The following OTOA variants were observed in gnomAD, a reference collection of about 807,000 sequenced individuals.
OTOA encodes otoancorin.
Under a neutral mutation model 110.8 loss-of-function variants are expected in OTOA, and 70 were observed. That is an observed-to-expected ratio of 0.63 (90% CI 0.52 to 0.77). The LOEUF (loss-of-function observed/expected upper bound fraction) is 0.77, where lower values mean the gene tolerates loss of function less well. Ranked by LOEUF, OTOA falls within the 30% of genes least tolerant of loss-of-function variation. The pLI is 0.00. For synonymous variants in OTOA, 373 were observed against 431.5 expected (o/e 0.86, Z 1.68); for missense variants, 917 against 1,075.8 (o/e 0.85, Z 2.06).
chr16:21,705,398 G>T (rs533694735), intron 12 of OTOA, 106 bp downstream of exon 12: 5 of 1,570,698 alleles, frequency 3.2e-6, no homozygotes, highest in Admixed American at 1.7e-5. Flanking sequence ...CACAGCATTA[G>T]TCGGGATTTA....
intron 9 of OTOA, among the ~76,000 whole-genome samples, chr16:21,696,477 C>G (rs1483873520): frequency 6.6e-6 from 1 of 152,016 alleles, no homozygotes; most frequent in Non-Finnish European, 1.5e-5. Flanking sequence ...TGCTTTGGTT[C>G]AAGTATAGTA....
intron 11 of OTOA, 63 bp downstream of exon 11, chr16:21,701,090 C>G (rs932366328): frequency 1.9e-6 from 3 of 1,609,248 alleles, no homozygotes; most frequent in African/African-American, 2.7e-5. Context: ...CATCAGAATT[C>G]TCTGAGCAGC....
chr16:21,751,997 C>A lies in OTOA; in HGVS notation c.2838C>A (p.Ser946Arg). ...GATACAGTATCCAGGACCTGAAGAG[C>A]TTTCATTTGGTAGGACTTGGTGCAA... ...DSGYSIQDLK[S>R]FHLVGLGATL... is the part of the protein sequence containing the mutation. The change falls in exon 25 of 29, where the codon AGC becomes AGA. Residue 946 changes from serine to arginine, a missense_variant. Physicochemically the swap from Ser to Arg is moderately radical, Grantham distance 110 (BLOSUM62 -1). Around this residue, in one of 6 missense-constraint regions of OTOA, gnomAD observed 57 missense variants for 59.7 expected, o/e 0.96. Coordinates refer to ENST00000646100, the MANE Select transcript of OTOA (RefSeq NM_144672.4). The A allele has an allele frequency of 2.6e-6, 1 of 384,024 alleles. No individual in the cohort carries two copies. Among genetic ancestry groups the A allele is most frequent in the Non-Finnish European group, 4.8e-6 (1 of 210,272 alleles). The allele number at this position is 384,024 out of a possible 1,614,324, so 23.8% of individuals were successfully genotyped here.
intron 1 of OTOA, among the ~76,000 whole-genome samples, chr16:21,674,065 G>A (rs144156839): frequency 0.014 from 2,147 of 152,298 alleles, 22 homozygotes; most frequent in Non-Finnish European, 0.022. Context: ...CCAAAGTGCT[G>A]GGATTATAGG....
intron 8 of OTOA, among the ~76,000 whole-genome samples, chr16:21,688,407 AC>A (rs1897762429): frequency 6.6e-6 from 1 of 151,872 alleles, no homozygotes; most frequent in Non-Finnish European, 1.5e-5. Flanking sequence ...AAACAAACAA[AC>A]AAAAAACAAA....
At chr16:21,673,732 A>G (rs902569379) in intron 1 of OTOA, among the ~76,000 whole-genome samples, 2 of 152,146 alleles carry the variant, frequency 1.3e-5, no homozygotes, top group African/African-American at 2.4e-5. Context: ...AGATTGGTTC[A>G]ATTTTTCAGC....
At chr16:21,671,279 G>A (rs1435482597) in intron 1 of OTOA, among the ~76,000 whole-genome samples, 1 of 151,968 alleles carries the variant, frequency 6.6e-6, no homozygotes, top group Non-Finnish European at 1.5e-5. Context: ...AAATTGGAGT[G>A]CAGAGAGATT....
intron 1 of OTOA, among the ~76,000 whole-genome samples, chr16:21,669,279 G>T (rs1000315038): frequency 7.2e-5 from 11 of 152,206 alleles, no homozygotes; most frequent in Admixed American, 3.9e-4. Context: ...GGAGGCAGAG[G>T]TTGCAGTGAG....
At chr16:21,664,978 G>GAATAAATA (rs113140289) in intron 1 of OTOA, among the ~76,000 whole-genome samples, 2,018 of 145,008 alleles carry the variant, frequency 0.014, 19 homozygotes, top group African/African-American at 0.028. Flanking sequence ...TCTCATGAAT[G>GAATAAATA]AATAAATAAA....
chr16:21,693,271 GCAAACAAACAAA>G (rs543653418), intron 9 of OTOA, among the ~76,000 whole-genome samples: 3 of 151,944 alleles, frequency 2.0e-5, no homozygotes, highest in African/African-American at 7.3e-5. Flanking sequence ...CGCAAAACAA[GCAAACAAACAAA>G]CAAACAAACA....
intron 10 of OTOA, among the ~76,000 whole-genome samples, chr16:21,700,586 G>A (rs1054059137): frequency 3.3e-5 from 5 of 152,024 alleles, no homozygotes; most frequent in South Asian, 2.1e-4. Context: ...TTAGCCAAGC[G>A]TGGTGGTGGG....
intron 9 of OTOA, among the ~76,000 whole-genome samples, chr16:21,696,710 C>T (rs965893996): frequency 1.3e-5 from 2 of 152,080 alleles, no homozygotes; most frequent in East Asian, 1.9e-4. Context: ...GCTGGGATTA[C>T]ACCTGGCTAA....
At chr16:21,681,929 T>G in intron 6 of OTOA, 104 bp downstream of exon 6, 1 of 1,055,614 alleles carries the variant, frequency 9.5e-7, no homozygotes, top group Non-Finnish European at 1.5e-6. Flanking sequence ...AGAGATAGTC[T>G]TTGCTTCTGC....
intron 1 of OTOA, among the ~76,000 whole-genome samples, chr16:21,673,020 T>C (rs1377103334): frequency 6.6e-6 from 1 of 152,094 alleles, no homozygotes; most frequent in Non-Finnish European, 1.5e-5. Context: ...TGGTAGTGCA[T>C]GCCTGTAGTC....
intron 9 of OTOA, among the ~76,000 whole-genome samples, chr16:21,692,187 C>A (rs1016747310): frequency 6.6e-6 from 1 of 151,998 alleles, no homozygotes; most frequent in African/African-American, 2.4e-5. Context: ...ATTAACCGGG[C>A]GTGGTGGCGG....
Position 21,714,332 on chromosome 16 carries a change from C to CCTTTCTTT in OTOA, c.1321-639_1321-632dup, listed in dbSNP as rs1182162717. Among the ~76,000 whole-genome samples the CCTTTCTTT allele has an allele frequency of 9.5e-3, 1,214 of 127,470 alleles. 20 individuals carry two copies. The highest frequency in any genetic ancestry group is 0.021 in the South Asian group (75 of 3,608). 83.6% of individuals were successfully genotyped at this position (127,470 alleles called of 152,430 possible). A position where few individuals can be genotyped will look rare whatever the true frequency, so the allele number is the denominator to read the frequency against. On this transcript the variant is annotated intron_variant, in intron 13 of 28. Coordinates refer to ENST00000646100, the MANE Select transcript of OTOA (RefSeq NM_144672.4). Reference sequence around the variant, plus strand: ...TCCTTCCTTCCTTCCTTCCTTCCTTCCTTTCTTTCTTTCTTTCTTTCCTTC... The same window carrying CCTTTCTTT: ...TCCTTCCTTCCTTCCTTCCTTCCTTCCTTTCTTTCTTTCTTTCTTTCTTTCTTTCCTTC...
chr16:21,716,068 T>A (rs1898544188), intron 14 of OTOA, among the ~76,000 whole-genome samples: 1 of 151,256 alleles, frequency 6.6e-6, no homozygotes, highest in Non-Finnish European at 1.5e-5. Context: ...TGCTGCTCAC[T>A]AATTTTTGTT....
At position 21,722,903 on chromosome 16, in the gene OTOA, A is replaced by G; in HGVS notation, c.1807-2A>G. 1.2e-6 allele frequency: 2 copies of G among 1,613,910 alleles called. No homozygotes were observed. Among genetic ancestry groups the G allele is most frequent in the African/African-American group, 1.3e-5 (1 of 75,026 alleles). ...AATCCCCAGAACTGCTTAATCTTTC[A>G]GGTTAATTGTTTGGCGTGGAAATAC... On this transcript the variant is annotated splice_acceptor_variant, in intron 17 of 28. Transcript: ENST00000646100. LOFTEE classifies it high-confidence loss of function.
At chr16:21,704,952 C>G (rs1162652831) in intron 11 of OTOA, 4 of 808,598 alleles carry the variant, frequency 4.9e-6, no homozygotes, top group Non-Finnish European at 9.0e-6. Flanking sequence ...GTGTCCACTT[C>G]ATAATTCAGC....
Sources: allele counts gnomAD v4.1 joint callset (sites outside exome capture counted in the v4.1 genomes callset), GRCh38; gene constraint gnomAD v4.1.1; regional missense constraint gnomAD v4.1.1; transcripts MANE v1.5; gene names NCBI Gene and HGNC (gene_info 2026-07-23, HGNC 2026-07-21).